GNAQ: variants seen among roughly 807,000 people sequenced by gnomAD.
GNAQ encodes G protein subunit alpha q, also known as guanine nucleotide-binding protein G(q) subunit alpha.
Under a neutral mutation model 43.9 loss-of-function variants are expected in GNAQ, and 8 were observed. The ratio of observed to expected loss-of-function variants is 0.18; its 90% CI spans 0.11 to 0.33. The LOEUF (loss-of-function observed/expected upper bound fraction) is 0.33, where lower values mean the gene tolerates loss of function less well. Among genes scored for constraint, GNAQ ranks in the 10% least tolerant of loss-of-function variants. The probability of loss-of-function intolerance (pLI) is 1.00; values close to 1 mark genes in which losing one functional copy is unlikely to be tolerated. For synonymous variants in GNAQ, 155 were observed against 170.7 expected (o/e 0.91, Z 0.71); for missense variants, 158 against 450.8 (o/e 0.35, Z 5.88).
chr9:77,800,596 G>A (rs1260635693), intron 3 of GNAQ, among the ~76,000 whole-genome samples: 4 of 152,288 alleles, frequency 2.6e-5, no homozygotes, highest in Non-Finnish European at 4.4e-5. Context: ...AGCATTGGGA[G>A]ATACACCTAA....
At chr9:77,926,722 C>T (rs1008991457) in intron 1 of GNAQ, among the ~76,000 whole-genome samples, 1 of 152,150 alleles carries the variant, frequency 6.6e-6, no homozygotes, top group Non-Finnish European at 1.5e-5. Context: ...TTTCAATGGC[C>T]TATATAAATA....
chr9:77,767,669 C>G (rs1251423105), intron 5 of GNAQ, among the ~76,000 whole-genome samples: 1 of 152,146 alleles, frequency 6.6e-6, no homozygotes, highest in Non-Finnish European at 1.5e-5. Context: ...GAAGAAAAGC[C>G]TCTTGTAAAA....
chr9:77,865,033 T>G (rs1827925586), intron 2 of GNAQ, among the ~76,000 whole-genome samples: 1 of 152,196 alleles, frequency 6.6e-6, no homozygotes, highest in South Asian at 2.1e-4. Flanking sequence ...CCTTTTCACC[T>G]ACTAAAAGAA....
At chr9:77,826,860 T>C (rs1827206169) in intron 2 of GNAQ, among the ~76,000 whole-genome samples, 1 of 152,222 alleles carries the variant, frequency 6.6e-6, no homozygotes, top group South Asian at 2.1e-4. Flanking sequence ...TCAGGAGGAA[T>C]GATAGTGAAA....
At chr9:77,756,042 T>C (rs965742431) in intron 5 of GNAQ, among the ~76,000 whole-genome samples, 1 of 152,144 alleles carries the variant, frequency 6.6e-6, no homozygotes, top group African/African-American at 2.4e-5. Flanking sequence ...CAGAAGAACA[T>C]GGAAAGACTA....
chr9:77,909,998 TAAC>T (rs1220222697), intron 2 of GNAQ, among the ~76,000 whole-genome samples: 1 of 152,172 alleles, frequency 6.6e-6, no homozygotes, highest in East Asian at 1.9e-4. Context: ...ATGAGTAGGT[TAAC>T]AACATACTAT....
In GNAQ at chr9:78,031,271, C is replaced by A. The variant is rs763783484; in HGVS notation, c.-36G>T. 93 of 1,445,228 alleles carry A rather than the reference C, an allele frequency of 6.4e-5. No homozygotes were observed. Among genetic ancestry groups the A allele is most frequent in the Non-Finnish European group, 8.3e-5 (90 of 1,082,766 alleles). The allele number at this position is 1,445,228 out of a possible 1,614,324, so 89.5% of individuals were successfully genotyped here. ...TGCCTCCGCTGCAGCCCCGCCGGCA[C>A]CCCCTGCTCACAGCGCGCACACACA... On this transcript the variant is annotated 5_prime_UTR_variant, in exon 1 of 7. Transcript: ENST00000286548.
intron 6 of GNAQ, among the ~76,000 whole-genome samples, chr9:77,721,914 G>C (rs1825320538): frequency 2.0e-5 from 3 of 151,968 alleles, no homozygotes; most frequent in Non-Finnish European, 4.4e-5. Flanking sequence ...CAGCTGCCTC[G>C]GGCTCTCCTG....
intron 5 of GNAQ, among the ~76,000 whole-genome samples, chr9:77,750,971 C>T (rs1825802245): frequency 1.3e-5 from 2 of 152,190 alleles, no homozygotes; most frequent in South Asian, 4.1e-4. Flanking sequence ...GCTGTAAATA[C>T]ATACCAACTC....
intron 1 of GNAQ, among the ~76,000 whole-genome samples, chr9:77,923,379 A>G (rs1186711423): frequency 6.6e-6 from 1 of 152,058 alleles, no homozygotes; most frequent in Non-Finnish European, 1.5e-5. Context: ...CCTTTTTCAC[A>G]TCTTCAATAT....
chr9:77,963,941 T>A lies in GNAQ; in HGVS notation c.137-41596A>T, dbSNP rs867024211. The stretch of plus-strand genomic sequence containing the variant: ...GCACCCATTTTTCTACAGTTAATAA[T>A]GTAAAAAAGACTGCCTTGACATGGT... On this transcript the variant is annotated intron_variant, in intron 1 of 6. Transcript: ENST00000286548. Among the ~76,000 whole-genome samples, 6 of 152,170 alleles carry A rather than the reference T, an allele frequency of 3.9e-5. No individual in the cohort carries two copies. In the South Asian group the frequency reaches 6.2e-4, roughly 16 times the overall value.
chr9:77,960,667 A>G (rs555485739), intron 1 of GNAQ, among the ~76,000 whole-genome samples: 1 of 152,332 alleles, frequency 6.6e-6, no homozygotes, highest in African/African-American at 2.4e-5. Context: ...TGGATCATCA[A>G]TAATACAGAA....
At chr9:77,802,083 C>T (rs1649774378) in intron 3 of GNAQ, among the ~76,000 whole-genome samples, 1 of 152,126 alleles carries the variant, frequency 6.6e-6, no homozygotes, top group Admixed American at 6.6e-5. Flanking sequence ...ATGAGAATCG[C>T]TTGAACCTGG....
intron 5 of GNAQ, among the ~76,000 whole-genome samples, chr9:77,766,887 G>A (rs540096949): frequency 6.6e-6 from 1 of 152,256 alleles, no homozygotes; most frequent in Non-Finnish European, 1.5e-5. Flanking sequence ...CGAAAGGTAT[G>A]GCTGTCCTTA....
At chr9:77,780,271 C>T (rs1173978501) in intron 5 of GNAQ, among the ~76,000 whole-genome samples, 1 of 151,910 alleles carries the variant, frequency 6.6e-6, no homozygotes, top group African/African-American at 2.4e-5. Context: ...CTCTCCCTCC[C>T]CATACCCTTC....
At chr9:77,859,969 G>GA (rs1393858089) in intron 2 of GNAQ, among the ~76,000 whole-genome samples, 6 of 151,952 alleles carry the variant, frequency 3.9e-5, no homozygotes, top group South Asian at 2.1e-4. Flanking sequence ...CTTAGGCAAA[G>GA]AAAAAAATCC....
chr9:77,806,450 T>C (rs1000317257), intron 3 of GNAQ, among the ~76,000 whole-genome samples: 2 of 152,214 alleles, frequency 1.3e-5, no homozygotes, highest in Non-Finnish European at 2.9e-5. Context: ...TATGTTAAAA[T>C]ACCTTCTTTG....
At chr9:77,984,587 C>T (rs894306040) in intron 1 of GNAQ, among the ~76,000 whole-genome samples, 1 of 152,202 alleles carries the variant, frequency 6.6e-6, no homozygotes, top group African/African-American at 2.4e-5. Context: ...CTGTAGAACT[C>T]TTACAAACAA....
chr9:77,914,809 A>G (rs1828867853), intron 2 of GNAQ, among the ~76,000 whole-genome samples: 2 of 147,470 alleles, frequency 1.4e-5, no homozygotes, highest in South Asian at 4.3e-4. Flanking sequence ...CCTTCATCTG[A>G]TATTTTACTT....
Sources: gnomAD v4.1 joint callset for allele counts (sites outside exome capture counted in the v4.1 genomes callset) on GRCh38, gnomAD v4.1.1 for gene constraint, MANE v1.5 for transcripts, NCBI Gene and HGNC (gene_info 2026-07-23, HGNC 2026-07-21) for gene names.